EYS: variants seen among roughly 807,000 people sequenced by gnomAD.
EYS encodes EGF-like photoreceptor maintenance factor.
A neutral mutation model predicts 282.1 loss-of-function variants in EYS; 250 were observed. That is an observed-to-expected ratio of 0.89 (90% CI 0.80 to 0.98). The LOEUF (loss-of-function observed/expected upper bound fraction) is 0.98. Among genes scored for constraint, EYS ranks in the 50% least tolerant of loss-of-function variants. The probability of loss-of-function intolerance (pLI) is 0.00; values close to 1 mark genes in which losing one functional copy is unlikely to be tolerated. For missense variants in EYS, 4,016 were observed against 3,709.0 expected (o/e 1.08, Z -2.15); for synonymous variants, 1,355 against 1,282.9 (o/e 1.06, Z -1.20).
At chr6:65,114,980 T>C (rs575705652) in intron 12 of EYS, among the ~76,000 whole-genome samples, 45 of 152,160 alleles carry the variant, frequency 3.0e-4, no homozygotes, top group African/African-American at 1.1e-3. Context: ...TACCCTTGCA[T>C]GTTTTCAGTC....
intron 31 of EYS, among the ~76,000 whole-genome samples, chr6:64,160,222 C>T (rs1051793787): frequency 1.3e-5 from 2 of 152,142 alleles, no homozygotes; most frequent in African/African-American, 4.8e-5. Context: ...TGGGAACAAT[C>T]ATTTTAAATT....
chr6:64,190,344 C>G (rs563114796), intron 31 of EYS, among the ~76,000 whole-genome samples: 117 of 152,284 alleles, frequency 7.7e-4, no homozygotes, highest in Middle Eastern at 3.4e-3. Context: ...AAAGGAAGTT[C>G]AGATACTGTC....
intron 26 of EYS, among the ~76,000 whole-genome samples, chr6:64,491,688 T>C (rs1776745058): frequency 6.6e-6 from 1 of 151,004 alleles, no homozygotes; most frequent in South Asian, 2.1e-4. Flanking sequence ...CAGAGAGTGC[T>C]AAAATATATT....
At chr6:64,736,706 T>C (rs1772193493) in intron 22 of EYS, among the ~76,000 whole-genome samples, 1 of 152,178 alleles carries the variant, frequency 6.6e-6, no homozygotes, top group Non-Finnish European at 1.5e-5. Flanking sequence ...TTCTATATTT[T>C]TGAATTAGCA....
At chr6:64,488,259 G>A (rs1163081104) in intron 26 of EYS, among the ~76,000 whole-genome samples, 3 of 150,934 alleles carry the variant, frequency 2.0e-5, no homozygotes, top group African/African-American at 7.3e-5. Flanking sequence ...GAAGTAGGAA[G>A]TCAAGCAAAT....
intron 31 of EYS, among the ~76,000 whole-genome samples, chr6:64,093,682 C>T (rs1242860861): frequency 6.6e-6 from 1 of 152,150 alleles, no homozygotes; most frequent in Non-Finnish European, 1.5e-5. Context: ...TCTAGATATA[C>T]AATCATGTCA....
At chr6:64,587,784 G>A in intron 26 of EYS, among the ~76,000 whole-genome samples, 1 of 152,020 alleles carries the variant, frequency 6.6e-6, no homozygotes, top group East Asian at 1.9e-4. Context: ...TTTAAAAGAA[G>A]AAAATACTAT....
chr6:64,387,465 GA>G, intron 29 of EYS, among the ~76,000 whole-genome samples: 1 of 152,032 alleles, frequency 6.6e-6, no homozygotes, highest in Non-Finnish European at 1.5e-5. Context: ...TTTTATTTGG[GA>G]AAAAGTATAG....
At chr6:64,784,374 T>C (rs2149995908) in intron 22 of EYS, among the ~76,000 whole-genome samples, 1 of 152,310 alleles carries the variant, frequency 6.6e-6, no homozygotes, top group African/African-American at 2.4e-5. Context: ...CATTTTTATT[T>C]TGTGAAGCTT....
At chr6:64,414,427 A>G (rs72889608) in intron 28 of EYS, among the ~76,000 whole-genome samples, 5 of 152,252 alleles carry the variant, frequency 3.3e-5, no homozygotes, top group Non-Finnish European at 5.9e-5. Flanking sequence ...GCCTTGATTC[A>G]AAAACCTAAT....
intron 18 of EYS, among the ~76,000 whole-genome samples, chr6:64,900,476 A>T (rs1767619568): frequency 6.6e-6 from 1 of 152,194 alleles, no homozygotes; most frequent in Non-Finnish European, 1.5e-5. Flanking sequence ...TTTGCAATAT[A>T]TCCATCTGGG....
At chr6:65,293,289 A>T (rs1042002318) in intron 12 of EYS, among the ~76,000 whole-genome samples, 14 of 151,798 alleles carry the variant, frequency 9.2e-5, no homozygotes, top group Admixed American at 4.0e-4. Context: ...TTTTGAGTTC[A>T]TTACTAAAAT....
At chr6:64,138,294 A>G (rs943887334) in intron 31 of EYS, among the ~76,000 whole-genome samples, 3 of 152,188 alleles carry the variant, frequency 2.0e-5, no homozygotes, top group Admixed American at 1.3e-4. Context: ...TCTTTCTGGT[A>G]TACCTATTTT....
chr6:64,333,395 C>G (rs1770713099), intron 29 of EYS, among the ~76,000 whole-genome samples: 1 of 151,916 alleles, frequency 6.6e-6, no homozygotes, highest in Admixed American at 6.6e-5. Context: ...AACTCTAGGA[C>G]AAGAAAAAGT....
At chr6:63,959,846 C>T (rs1765978641) in intron 35 of EYS, among the ~76,000 whole-genome samples, 1 of 151,904 alleles carries the variant, frequency 6.6e-6, no homozygotes, top group South Asian at 2.1e-4. Context: ...CAACACACAC[C>T]ATGGCCTGTA....
At chr6:64,496,215 T>C (rs1189205767) in intron 26 of EYS, among the ~76,000 whole-genome samples, 1 of 151,950 alleles carries the variant, frequency 6.6e-6, no homozygotes, top group Non-Finnish European at 1.5e-5. Context: ...TTATAAATAC[T>C]GAATATTAAG....
chr6:64,295,204 C>T (rs1003511143), intron 30 of EYS, among the ~76,000 whole-genome samples: 6 of 149,372 alleles, frequency 4.0e-5, no homozygotes, highest in African/African-American at 1.5e-4. Context: ...GAAACCCCGT[C>T]TCTACTAAAA....
intron 1 of EYS, among the ~76,000 whole-genome samples, chr6:65,649,014 C>A (rs1012230210): frequency 6.6e-6 from 1 of 151,382 alleles, no homozygotes; most frequent in Non-Finnish European, 1.5e-5. Context: ...GGCATGGTGG[C>A]ACACACCTGT....
intron 15 of EYS, among the ~76,000 whole-genome samples, chr6:64,924,759 A>G (rs1023472337): frequency 2.6e-5 from 4 of 152,164 alleles, no homozygotes; most frequent in African/African-American, 9.7e-5. Flanking sequence ...ACATAACAAG[A>G]GTCACCTTTT....
Sources: gnomAD v4.1 joint callset for allele counts (sites outside exome capture counted in the v4.1 genomes callset) on GRCh38, gnomAD v4.1.1 for gene constraint, MANE v1.5 for transcripts, NCBI Gene and HGNC (gene_info 2026-07-23, HGNC 2026-07-21) for gene names.